FASTKD3: variants seen among roughly 807,000 people sequenced by gnomAD.
The protein encoded by FASTKD3 is FAST kinase domains 3, also known as FAST kinase domain-containing protein 3, mitochondrial.
Under a neutral mutation model 49.7 loss-of-function variants are expected in FASTKD3, and 47 were observed. That is an observed-to-expected ratio of 0.95 (90% CI 0.75 to 1.21). FASTKD3 has a LOEUF of 1.21. Ranked by LOEUF, FASTKD3 falls within the 50% of genes most tolerant of loss-of-function variation. The pLI, the probability that FASTKD3 is intolerant of heterozygous loss-of-function variation, is 0.00. For missense variants in FASTKD3, 748 were observed against 765.7 expected, an observed-to-expected ratio of 0.98 and a Z score of 0.27; for synonymous variants, 284 against 288.6, an observed-to-expected ratio of 0.98 and a Z score of 0.16.
rs1433894619 is a variant in FASTKD3 at position 7,867,791 on chromosome 5, T to C, written c.293A>G (p.Glu98Gly). The change falls in exon 2 of 7, where the codon GAG (glutamate) becomes GGG (glycine). Residue 98 changes from glutamate to glycine, a missense_variant. Physicochemically the swap from Glu to Gly is moderately conservative, Grantham distance 98. Transcript: ENST00000264669. ...DRLEQNVKNE[E>G]SQMFYRRLSN... ...CAGTCTCCTGTAAAACATCTGACTC[T>C]CCTCATTTTTAACATTTTGTTCAAG... is the stretch of plus-strand genomic sequence containing the variant. The C allele has an allele frequency of 1.9e-6, 3 of 1,614,232 alleles. No homozygotes were observed. In the Admixed American group the frequency reaches 5.0e-5, roughly 27 times the overall value.
rs998437666 is a variant in FASTKD3, at chr5:7,861,512, G to A, written c.1769+71C>T. 2.1e-5 allele frequency: 24 copies of A among 1,121,030 alleles called. No individual in the cohort carries two copies. The African/African-American group carries it at 3.5e-4, about 16-fold the overall frequency. The allele number at this position is 1,121,030 out of a possible 1,614,324, so 69.4% of individuals were successfully genotyped here. A position where few individuals can be genotyped will look rare whatever the true frequency, so the allele number is the denominator to read the frequency against. ...TCATATCTATTTTTTTCACCTTCTTGAGAAAAAGATACCGCTGCTTATTAG... is the reference window on the plus strand; with the variant it reads ...TCATATCTATTTTTTTCACCTTCTTAAGAAAAAGATACCGCTGCTTATTAG... On this transcript the variant is annotated intron_variant, in intron 5 of 6. Coordinates refer to ENST00000264669, the MANE Select transcript of FASTKD3 (RefSeq NM_024091.4).
Position 7,862,951 on chromosome 5 carries a change from G to T in FASTKD3, c.1571C>A (p.Pro524Gln). 2 of 1,613,998 alleles carry T rather than the reference G, an allele frequency of 1.2e-6. No individual in the cohort carries two copies. The highest frequency in any genetic ancestry group is 1.7e-6 in the Non-Finnish European group (2 of 1,179,930). ...CACAGGGGTCTCCAGGGAACAGCAT[G>T]GGGTAAGAAATGACTTCACTTGATA... Reference protein sequence around the residue: ...PKYQVKSFLTPCCSLETPVDS... With the variant: ...PKYQVKSFLTQCCSLETPVDS... Residue 524 changes from proline (P) to glutamine (Q), a missense_variant, in exon 4 of 7, where the codon CCA becomes CAA. By Grantham distance (76) the Pro-to-Gln change is moderately conservative. Coordinates refer to ENST00000264669, the MANE Select transcript of FASTKD3 (RefSeq NM_024091.4).
At position 7,866,961 on chromosome 5, in the gene FASTKD3, T is replaced by C. The variant is rs1561107139; in HGVS notation, c.1123A>G (p.Met375Val). The C allele has an allele frequency of 1.2e-6, 2 of 1,614,192 alleles. No individual in the cohort carries two copies. Among genetic ancestry groups the C allele is most frequent in the Non-Finnish European group, 1.7e-6 (2 of 1,180,044 alleles). ...ATCAGTTCTCTACTGCAGTACTCCATGACCCTGCAGACAACTTCAGGATCC... is the reference window on the plus strand; with the variant it reads ...ATCAGTTCTCTACTGCAGTACTCCACGACCCTGCAGACAACTTCAGGATCC... ...TLDPEVVCRV[M>V]EYCSRELILS... Residue 375 changes from methionine to valine, a missense_variant, in exon 2 of 7, where the codon ATG becomes GTG. By Grantham distance (21) the Met-to-Val change is conservative (BLOSUM62 1). Coordinates refer to ENST00000264669, the MANE Select transcript of FASTKD3 (RefSeq NM_024091.4).
Position 7,861,617 on chromosome 5 carries a change from A to G in FASTKD3, c.1735T>C (p.Leu579=). The G allele has an allele frequency of 6.2e-7, 1 of 1,608,096 alleles. No homozygotes were observed. Among genetic ancestry groups the G allele is most frequent in the Non-Finnish European group, 8.5e-7 (1 of 1,177,104 alleles). The part of the protein sequence containing the change: ...EIKLDEEGFV[L]PSTANEDIHK... ...ATATCTTCATTAGCTGTGGATGGCA[A>G]TACAAATCCTTCTTCATCTAATTTA... The change falls in exon 5 of 7, where the codon TTG becomes CTG. Residue 579 remains leucine, a synonymous_variant. Transcript: ENST00000264669.
intron 4 of FASTKD3, among the ~76,000 whole-genome samples, chr5:7,862,429 T>C (rs1182588157): frequency 6.6e-6 from 1 of 152,170 alleles, no homozygotes; most frequent in Non-Finnish European, 1.5e-5. Flanking sequence ...AATAGCCACA[T>C]GGTCTAGTGG....
In FASTKD3 at chr5:7,859,552, AAAAGT is replaced by A; in HGVS notation, c.1885-18_1885-14del. 6.5e-6 allele frequency: 10 copies of A among 1,540,308 alleles called. No homozygotes were observed. Among genetic ancestry groups the A allele is most frequent in the Non-Finnish European group, 8.9e-6 (10 of 1,123,968 alleles). Reference sequence around the variant, plus strand: ...CATGATAGGGGATCTGTAAAGGTAGAAAAGTAAAACTGGTCAAGATCCTTCAAAAT... The same window carrying A: ...CATGATAGGGGATCTGTAAAGGTAGAAAAACTGGTCAAGATCCTTCAAAAT... On this transcript the variant is annotated splice_polypyrimidine_tract_variant and intron_variant, in intron 6 of 6. Transcript: ENST00000264669.
At chr5:7,861,351 G>T in intron 5 of FASTKD3, 88 bp from the exon 6 acceptor site, 1 of 741,964 alleles carries the variant, frequency 1.3e-6, no homozygotes, top group Non-Finnish European at 2.0e-6. Flanking sequence ...GTTTATTTGG[G>T]ATTTGGCTAT....
At chr5:7,861,689 A>G (rs1245763780) in intron 4 of FASTKD3, 37 bp from the exon 5 acceptor site, 3 of 1,589,698 alleles carry the variant, frequency 1.9e-6, no homozygotes, top group Non-Finnish European at 2.6e-6. Context: ...CTCGTGTGAT[A>G]CCCTCACAAA....
At chr5:7,861,489 A>G (rs373245138) in intron 5 of FASTKD3, 94 bp downstream of exon 5, 10 of 889,142 alleles carry the variant, frequency 1.1e-5, no homozygotes, top group African/African-American at 6.9e-5. Context: ...TTCCAGAATC[A>G]TATCTATTTT....
rs1282869356 is a variant in FASTKD3 at position 7,865,927 on chromosome 5, C to A, written c.1495G>T (p.Ala499Ser). Residue 499 changes from alanine (A) to serine (S), a missense_variant, in exon 3 of 7, where the codon GCC (alanine) becomes TCC (serine). Physicochemically the swap from Ala to Ser is moderately conservative, Grantham distance 99 (BLOSUM62 1). Coordinates refer to ENST00000264669, the MANE Select transcript of FASTKD3 (RefSeq NM_024091.4). ...TAGAAAGGGCATTCCAGGACTGAGG[C>A]TAAGAAAAGTTGGGTCAGTTGTGCC... ...SRAQLTQLFL[A>S]SVLECPFYKG... is the part of the protein sequence containing the mutation. 2 of 1,613,846 alleles carry A rather than the reference C, an allele frequency of 1.2e-6. No homozygotes were observed. The highest frequency in any genetic ancestry group is 1.7e-6 in the Non-Finnish European group (2 of 1,179,904).
intron 5 of FASTKD3, 138 bp from the exon 6 acceptor site, chr5:7,861,401 T>G (rs1746520306): frequency 1.7e-6 from 1 of 603,768 alleles, no homozygotes; most frequent in Non-Finnish European, 2.7e-6. Context: ...ATCATGAATT[T>G]GATCTTATTA....
At chr5:7,863,279 GGA>G (rs1746684394) in intron 3 of FASTKD3, 1 of 367,690 alleles carries the variant, frequency 2.7e-6, no homozygotes, top group Middle Eastern at 8.0e-4. Flanking sequence ...AAAGGAGTGA[GGA>G]GAGAGTGAGA....
At position 7,866,977 on chromosome 5, in the gene FASTKD3, T is replaced by C; in HGVS notation, c.1107A>G (p.Glu369=). The C allele has an allele frequency of 6.2e-7, 1 of 1,614,154 alleles. No individual in the cohort carries two copies. Among genetic ancestry groups the C allele is most frequent in the Non-Finnish European group, 8.5e-7 (1 of 1,180,026 alleles). Residue 369 remains glutamate, a synonymous_variant, in exon 2 of 7, where the codon GAA becomes GAG. Transcript: ENST00000264669. ...AGTACTCCATGACCCTGCAGACAACTTCAGGATCCAACGTGAGGCACACCG... is the reference window on the plus strand; with the variant it reads ...AGTACTCCATGACCCTGCAGACAACCTCAGGATCCAACGTGAGGCACACCG... ...VAAVCLTLDP[E]VVCRVMEYCS... is the part of the protein sequence containing the mutation.
At chr5:7,866,019 G>A in intron 2 of FASTKD3, 36 bp from the exon 3 acceptor site, 1 of 1,485,710 alleles carries the variant, frequency 6.7e-7, no homozygotes, top group Non-Finnish European at 9.4e-7. Flanking sequence ...AGTTACGTCT[G>A]AATTGAGGTA....
intron 6 of FASTKD3, among the ~76,000 whole-genome samples, chr5:7,860,005 G>A (rs577414995): frequency 5.2e-4 from 79 of 152,246 alleles, no homozygotes; most frequent in African/African-American, 1.7e-3. Context: ...AGCAGGAGGC[G>A]CAGCAAAGGA....
rs529220484 is a variant in FASTKD3 at position 7,859,270 on chromosome 5, TACC to T, written c.*162_*164del. On this transcript the variant is annotated 3_prime_UTR_variant, in exon 7 of 7. Coordinates refer to ENST00000264669, the MANE Select transcript of FASTKD3 (RefSeq NM_024091.4). ...TTAAATTAAAATTAATTTTAAATTTTACCACAATAAATGTATACATAGTATAAG... is the reference window on the plus strand; with the variant it reads ...TTAAATTAAAATTAATTTTAAATTTTACAATAAATGTATACATAGTATAAG... 1.3e-4 allele frequency: 51 copies of T among 398,462 alleles called. No individual in the cohort carries two copies. The highest frequency in any genetic ancestry group is 6.7e-4 in the East Asian group (18 of 26,884). 24.7% of individuals were successfully genotyped at this position (398,462 alleles called of 1,614,324 possible).
chr5:7,865,662 C>T (rs1369047000), intron 3 of FASTKD3, among the ~76,000 whole-genome samples: 1 of 152,124 alleles, frequency 6.6e-6, no homozygotes, highest in Non-Finnish European at 1.5e-5. Context: ...AACTCACATG[C>T]CTGCAGCACT....
chr5:7,861,733 T>C (rs771195717), intron 4 of FASTKD3, 81 bp from the exon 5 acceptor site: 2 of 1,537,892 alleles, frequency 1.3e-6, no homozygotes, highest in African/African-American at 2.7e-5. Flanking sequence ...TTTGCTTTGC[T>C]TTGATTCCTT....
rs115086471 is a variant in FASTKD3 at position 7,866,709 on chromosome 5, C to G, written c.1375G>C (p.Glu459Gln). Residue 459 changes from glutamate to glutamine, a missense_variant, in exon 2 of 7, where the codon GAA (glutamate) becomes CAA (glutamine). This residue lies in a region of FASTKD3 where 564 missense variants were observed against 562.8 expected (regional missense o/e 1.00). Transcript: ENST00000264669. The stretch of plus-strand genomic sequence containing the variant: ...GCCAGAAAGTTGACTGGATGGCATT[C>G]ATTAAGTGAACATGAATGAAGAAGT... The part of the protein sequence containing the change: ...LKLLHSCSLN[E>Q]CHPVNFLAKI... 7.5e-4 allele frequency: 1,215 copies of G among 1,612,378 alleles called. 15 individuals carry two copies. The African/African-American group carries it at 0.015, about 19-fold the overall frequency.
Sources: gnomAD v4.1 joint callset for allele counts (sites outside exome capture counted in the v4.1 genomes callset) on GRCh38, gnomAD v4.1.1 for gene constraint, gnomAD v4.1.1 regional missense constraint, MANE v1.5 for transcripts, NCBI Gene and HGNC (gene_info 2026-07-23, HGNC 2026-07-21) for gene names.